HIVEP1: variants seen among roughly 807,000 people sequenced by gnomAD.
HIVEP1 encodes zinc finger protein 40.
Under a neutral mutation model 180.0 loss-of-function variants are expected in HIVEP1, and 36 were observed. That is an observed-to-expected ratio of 0.20 (90% CI 0.15 to 0.26). The LOEUF (loss-of-function observed/expected upper bound fraction) is 0.26, where lower values mean the gene tolerates loss of function less well. HIVEP1 is among the 10% of genes least tolerant of loss of function. The pLI, the probability that HIVEP1 is intolerant of heterozygous loss-of-function variation, is 1.00. For missense variants in HIVEP1, 3,143 were observed against 3,268.7 expected, an observed-to-expected ratio of 0.96 and a Z score of 0.94; for synonymous variants, 1,239 against 1,239.0, an observed-to-expected ratio of 1.00 and a Z score of 0.00.
At chr6:12,177,424 G>C in the HIVEP1 span, among the ~76,000 whole-genome samples, 3 of 152,102 alleles carry the variant, frequency 2.0e-5, no homozygotes, top group Non-Finnish European at 4.4e-5. Flanking sequence ...CTACCTACAA[G>C]TTTTCTAAAC....
chr6:12,140,131 AG>A (rs1224985016), intron 7 of HIVEP1, among the ~76,000 whole-genome samples: 2 of 152,186 alleles, frequency 1.3e-5, no homozygotes, highest in Non-Finnish European at 2.9e-5. Flanking sequence ...TCTGGGGCGA[AG>A]CTTCCAGAGG....
Position 12,119,947 on chromosome 6 carries a change from A to G in HIVEP1, c.152A>G (p.Lys51Arg). The G allele has an allele frequency of 1.2e-6, 2 of 1,602,256 alleles. No individual in the cohort carries two copies. The highest frequency in any genetic ancestry group is 1.7e-6 in the Non-Finnish European group (2 of 1,176,974). ...GAATCCCTTAAAGGTGTGAAACGCA[A>G]AAAGATCGTAGCTGAGAATCACCTG... ...TSESLKGVKR[K>R]KIVAENHLKK... The change falls in exon 4 of 9, where the codon AAA becomes AGA. Residue 51 changes from lysine (K) to arginine (R), a missense_variant. Physicochemically the swap from Lys to Arg is conservative, Grantham distance 26. This residue lies in a region of HIVEP1 where 114 missense variants were observed against 134.5 expected (regional missense o/e 0.85). Transcript: ENST00000379388.
At position 12,131,353 on chromosome 6, in the gene HIVEP1, A is replaced by G. The variant is rs544977174; in HGVS notation, c.6385+411A>G. Among the ~76,000 whole-genome samples the G allele has an allele frequency of 6.6e-5, 10 of 152,120 alleles. No homozygotes were observed. The East Asian group carries it at 1.9e-3, about 29-fold the overall frequency. On this transcript the variant is annotated intron_variant, in intron 6 of 8. Coordinates refer to ENST00000379388, the MANE Select transcript of HIVEP1 (RefSeq NM_002114.4). ...AAGAAAGATTTAAAATAATAACTAC[A>G]GTAAACTTCTATAATAATTACACTT...
intron 2 of HIVEP1, among the ~76,000 whole-genome samples, chr6:12,055,865 T>C (rs1770835048): frequency 6.6e-6 from 1 of 152,254 alleles, no homozygotes; most frequent in Non-Finnish European, 1.5e-5. Context: ...ACAAGTGTTC[T>C]ATTAAGCTAG....
intron 3 of HIVEP1, among the ~76,000 whole-genome samples, chr6:12,099,908 G>A (rs1774009500): frequency 6.6e-6 from 1 of 152,178 alleles, no homozygotes; most frequent in Non-Finnish European, 1.5e-5. Flanking sequence ...ATTATCTAAT[G>A]CAGTGATGTA....
Position 12,124,674 on chromosome 6 carries a change from G to C in HIVEP1, c.4879G>C (p.Val1627Leu), listed in dbSNP as rs1366560639. 6.2e-7 allele frequency: 1 copy of C among 1,614,014 alleles called. No homozygotes were observed. Among genetic ancestry groups the C allele is most frequent in the Non-Finnish European group, 8.5e-7 (1 of 1,179,996 alleles). Reference sequence around the variant, plus strand: ...AGAGCTCAGGCCCCTTGGAAGTCAGGTGCAGAAGGTGCCATCATCATTCAT... The same window carrying C: ...AGAGCTCAGGCCCCTTGGAAGTCAGCTGCAGAAGGTGCCATCATCATTCAT... ...PPELRPLGSQ[V>L]QKVPSSFMLP... The change falls in exon 4 of 9, where the codon GTG (valine) becomes CTG (leucine). Residue 1627 changes from valine (V) to leucine (L), a missense_variant. Coordinates refer to ENST00000379388, the MANE Select transcript of HIVEP1 (RefSeq NM_002114.4).
chr6:12,135,164 T>C (rs1561987688), intron 6 of HIVEP1, among the ~76,000 whole-genome samples: 1 of 152,208 alleles, frequency 6.6e-6, no homozygotes, highest in East Asian at 1.9e-4. Flanking sequence ...CTTTGGGCCA[T>C]GTGGGAAAAA....
the HIVEP1 span, among the ~76,000 whole-genome samples, chr6:12,194,169 G>T: frequency 6.6e-6 from 1 of 152,180 alleles, no homozygotes; most frequent in Non-Finnish European, 1.5e-5. Context: ...TTTTAAAATA[G>T]TGGATTGAAT....
rs34364704 is a variant in HIVEP1 at position 12,041,420 on chromosome 6, TAAAAAA to T, written c.40+25771_40+25776del. ...CTGGGCGACAGAGCGAGACTCCGTC[TAAAAAA>T]AAAAAAAAAAAAAAAAAAGCCGGAG... On this transcript the variant is annotated intron_variant, in intron 2 of 8. Transcript: ENST00000379388. 5.7e-4 allele frequency among the ~76,000 whole-genome samples: 30 copies of T among 52,276 alleles called. No individual in the cohort carries two copies. In the Admixed American group the frequency reaches 7.0e-3, roughly 12 times the overall value. The allele number at this position is 52,276 out of a possible 152,430, so 34.3% of individuals were successfully genotyped here.
intron 7 of HIVEP1, among the ~76,000 whole-genome samples, chr6:12,155,573 T>G (rs1011056853): frequency 6.6e-6 from 1 of 152,226 alleles, no homozygotes; most frequent in African/African-American, 2.4e-5. Context: ...TCTATGTCCC[T>G]GCAAAGGACA....
intron 6 of HIVEP1, among the ~76,000 whole-genome samples, chr6:12,133,970 C>A (rs764770091): frequency 2.7e-5 from 4 of 149,756 alleles, no homozygotes; most frequent in Admixed American, 6.6e-5. Flanking sequence ...AGTAAGACTC[C>A]GTCTCAACCA....
At chr6:12,068,381 T>G (rs1371744059) in intron 2 of HIVEP1, among the ~76,000 whole-genome samples, 1 of 152,174 alleles carries the variant, frequency 6.6e-6, no homozygotes, top group Admixed American at 6.5e-5. Flanking sequence ...CGAGCCACCA[T>G]GCCCAGCCTG....
At chr6:12,158,974 G>T (rs1369231328) in intron 7 of HIVEP1, among the ~76,000 whole-genome samples, 1 of 152,144 alleles carries the variant, frequency 6.6e-6, no homozygotes, top group African/African-American at 2.4e-5. Flanking sequence ...CATAGATCCT[G>T]TGTGAGAATG....
At chr6:12,126,210 G>C (rs1758061631) in intron 4 of HIVEP1, among the ~76,000 whole-genome samples, 1 of 152,156 alleles carries the variant, frequency 6.6e-6, no homozygotes, top group Non-Finnish European at 1.5e-5. Context: ...TGTTTTTCTT[G>C]TTAAGTGAAA....
At chr6:12,116,806 G>A (rs1775244873) in intron 3 of HIVEP1, among the ~76,000 whole-genome samples, 2 of 152,128 alleles carry the variant, frequency 1.3e-5, no homozygotes, top group South Asian at 4.1e-4. Flanking sequence ...TTGAGAATGT[G>A]GAAGACAGGC....
chr6:12,039,486 A>T (rs1388032804), intron 2 of HIVEP1, among the ~76,000 whole-genome samples: 3 of 152,058 alleles, frequency 2.0e-5, no homozygotes, highest in Non-Finnish European at 2.9e-5. Flanking sequence ...AATGAAAGTG[A>T]TATTCTTGTG....
chr6:12,211,803 G>A, the HIVEP1 span, among the ~76,000 whole-genome samples: 10 of 152,160 alleles, frequency 6.6e-5, no homozygotes, highest in Admixed American at 6.5e-4. Context: ...GCTTTCAGGA[G>A]TCAAGAGGAA....
At chr6:12,112,519 T>C (rs1428608868) in intron 3 of HIVEP1, among the ~76,000 whole-genome samples, 2 of 152,218 alleles carry the variant, frequency 1.3e-5, no homozygotes, top group Non-Finnish European at 2.9e-5. Flanking sequence ...TCTTGGCCAT[T>C]ATTTTTTTCA....
Position 12,164,490 on chromosome 6 carries a change from TTA to T in HIVEP1, c.*34_*35del, listed in dbSNP as rs1562021274. On this transcript the variant is annotated 3_prime_UTR_variant, in exon 9 of 9. Coordinates refer to ENST00000379388, the MANE Select transcript of HIVEP1 (RefSeq NM_002114.4). ...ATTTTATTTTTTATTTGCTTTTTTT[TTA>T]TATAACACTTAAAGGTTTCTTTGAA... 6.6e-7 allele frequency: 1 copy of T among 1,519,970 alleles called. No homozygotes were observed. The highest frequency in any genetic ancestry group is 1.4e-5 in the African/African-American group (1 of 71,616). 94.2% of individuals were successfully genotyped at this position (1,519,970 alleles called of 1,614,324 possible).
Sources: gnomAD v4.1 joint callset for allele counts (sites outside exome capture counted in the v4.1 genomes callset) on GRCh38, gnomAD v4.1.1 for gene constraint, gnomAD v4.1.1 regional missense constraint, MANE v1.5 for transcripts, NCBI Gene and HGNC (gene_info 2026-07-23, HGNC 2026-07-21) for gene names.